Variants in WWOX observed in about 807,000 individuals in gnomAD.
WWOX encodes the protein WW domain containing oxidoreductase.
A neutral mutation model predicts 46.2 loss-of-function variants in WWOX; 69 were observed. The observed-to-expected ratio is 1.49, with a 90% CI of 1.23 to 1.82. The LOEUF is 1.82. Among genes scored for constraint, WWOX ranks in the 40% most tolerant of loss-of-function variants. The pLI is 0.00. For synonymous variants in WWOX, 359 were observed against 202.6 expected (o/e 1.77, Z -6.56); for missense variants, 919 against 542.6 (o/e 1.69, Z -6.89).
chr16:79,005,315 T>A (rs957654018), intron 8 of WWOX, among the ~76,000 whole-genome samples: 2 of 152,126 alleles, frequency 1.3e-5, no homozygotes, highest in African/African-American at 2.4e-5. Context: ...AACACACAGT[T>A]TCCTAGAATC....
intron 8 of WWOX, among the ~76,000 whole-genome samples, chr16:78,476,619 TAA>T (rs5818142): frequency 0.26 from 39,748 of 151,076 alleles, 6,959 homozygotes; most frequent in African/African-American, 0.5. Context: ...AAATACATAT[TAA>T]AAAAAAAAAG....
chr16:78,282,479 G>A (rs2079695812), intron 5 of WWOX, among the ~76,000 whole-genome samples: 1 of 152,118 alleles, frequency 6.6e-6, no homozygotes, highest in Admixed American at 6.6e-5. Context: ...TACCTGCCTT[G>A]CGTTCTGTTA....
intron 8 of WWOX, among the ~76,000 whole-genome samples, chr16:79,094,009 TATGA>T (rs1438857807): frequency 6.6e-6 from 1 of 152,158 alleles, no homozygotes; most frequent in African/African-American, 2.4e-5. Flanking sequence ...CGAATACATG[TATGA>T]ATGAATGAAT....
chr16:78,292,799 G>A (rs887770160), intron 5 of WWOX, among the ~76,000 whole-genome samples: 5 of 152,156 alleles, frequency 3.3e-5, no homozygotes, highest in Admixed American at 6.5e-5. Context: ...GATCTTATTT[G>A]TAGAGCTGAA....
chr16:78,269,021 A>C (rs898445771), intron 5 of WWOX: 6 of 152,176 alleles, frequency 3.9e-5, no homozygotes, highest in Non-Finnish European at 8.8e-5. Context: ...TTTCTGAAAT[A>C]AGTGGACACA....
intron 4 of WWOX, among the ~76,000 whole-genome samples, chr16:78,130,949 C>A (rs1346245249): frequency 1.3e-5 from 2 of 152,182 alleles, no homozygotes; most frequent in Non-Finnish European, 2.9e-5. Flanking sequence ...GTGGTATAAC[C>A]CATTATACAC....
At chr16:78,913,428 C>G (rs928255579) in intron 8 of WWOX, among the ~76,000 whole-genome samples, 1 of 151,876 alleles carries the variant, frequency 6.6e-6, no homozygotes, top group Non-Finnish European at 1.5e-5. Flanking sequence ...AAAAACCTGT[C>G]TTGCAAAACC....
chr16:79,211,567 T>C, intron 8 of WWOX, 41 bp from the exon 9 acceptor site: 3 of 1,613,422 alleles, frequency 1.9e-6, no homozygotes, highest in South Asian at 1.1e-5. Flanking sequence ...CATCACTCCT[T>C]TTCTTAAAAT....
Position 78,119,533 on chromosome 16 carries a change from T to G in WWOX, c.409+4379T>G, listed in dbSNP as rs577464444. On this transcript the variant is annotated intron_variant, in intron 4 of 8. Transcript: ENST00000566780. ...TCATTGTCTTAATTAGCTAGATGTTTGTTGGAGCGCATGCAAATTATTTTC... is the reference window on the plus strand; with the variant it reads ...TCATTGTCTTAATTAGCTAGATGTTGGTTGGAGCGCATGCAAATTATTTTC... Among the ~76,000 whole-genome samples, 228 of 152,322 alleles carry G rather than the reference T, an allele frequency of 1.5e-3. 2 individuals are homozygous for G. Among genetic ancestry groups the G allele is most frequent in the African/African-American group, 5.4e-3 (223 of 41,554 alleles).
intron 8 of WWOX, among the ~76,000 whole-genome samples, chr16:78,618,440 C>T (rs1045975933): frequency 2.0e-5 from 3 of 152,176 alleles, no homozygotes; most frequent in Non-Finnish European, 4.4e-5. Flanking sequence ...TCTCTGTCTT[C>T]ACATGGTCTT....
chr16:78,953,926 A>C (rs1457636438), intron 8 of WWOX, among the ~76,000 whole-genome samples: 1 of 152,180 alleles, frequency 6.6e-6, no homozygotes, highest in Admixed American at 6.6e-5. Context: ...TAATTACTTC[A>C]GTAGTCATTT....
chr16:79,086,335 A>C (rs2048853428), intron 8 of WWOX, among the ~76,000 whole-genome samples: 1 of 152,238 alleles, frequency 6.6e-6, no homozygotes, highest in Non-Finnish European at 1.5e-5. Context: ...TTTGATTGAT[A>C]TGCAAAAGTC....
At position 78,755,926 on chromosome 16, in the gene WWOX, GA is replaced by G. The variant is rs542088733; in HGVS notation, c.1056+323176del. Reference sequence around the variant, plus strand: ...GATTTTTGTCAGGACGCTATGATGAGAAGAACATATGCCAAGGAGACAGTTT... The same window carrying G: ...GATTTTTGTCAGGACGCTATGATGAGAGAACATATGCCAAGGAGACAGTTT... On this transcript the variant is annotated intron_variant, in intron 8 of 8. Coordinates refer to ENST00000566780, the MANE Select transcript of WWOX (RefSeq NM_016373.4). Among the ~76,000 whole-genome samples the G allele has an allele frequency of 2.3e-3, 346 of 152,268 alleles. 1 individual carries two copies. The highest frequency in any genetic ancestry group is 8.0e-3 in the African/African-American group (332 of 41,544).
At chr16:78,597,147 G>C (rs2045510863) in intron 8 of WWOX, among the ~76,000 whole-genome samples, 3 of 152,218 alleles carry the variant, frequency 2.0e-5, no homozygotes, top group African/African-American at 7.2e-5. Context: ...TATTTTAGCC[G>C]GTGCCTTTGT....
chr16:78,441,722 C>T (rs1276116813), intron 8 of WWOX, among the ~76,000 whole-genome samples: 2 of 152,076 alleles, frequency 1.3e-5, no homozygotes, highest in Admixed American at 6.6e-5. Flanking sequence ...TTAGAACTAC[C>T]TCATGGGCTT....
intron 8 of WWOX, among the ~76,000 whole-genome samples, chr16:78,702,847 C>T (rs1274895525): frequency 6.6e-6 from 1 of 152,052 alleles, no homozygotes; most frequent in East Asian, 1.9e-4. Context: ...AACAACTGTC[C>T]TTTTCCACCA....
intron 8 of WWOX, among the ~76,000 whole-genome samples, chr16:78,744,833 C>T (rs900768906): frequency 1.3e-5 from 2 of 152,102 alleles, no homozygotes; most frequent in African/African-American, 4.8e-5. Flanking sequence ...CCTGAAGACC[C>T]ACATGGTGAC....
intron 8 of WWOX, among the ~76,000 whole-genome samples, chr16:78,968,802 T>A (rs563704353): frequency 6.6e-6 from 1 of 152,192 alleles, no homozygotes; most frequent in South Asian, 2.1e-4. Context: ...ATTGTTTCAT[T>A]TTATTATGTT....
chr16:78,689,555 T>G (rs1449240798), intron 8 of WWOX, among the ~76,000 whole-genome samples: 2 of 152,228 alleles, frequency 1.3e-5, no homozygotes, highest in African/African-American at 4.8e-5. Flanking sequence ...TAAGTCAGTC[T>G]AGAGAGAATC....
Sources: allele counts gnomAD v4.1 joint callset (sites outside exome capture counted in the v4.1 genomes callset), GRCh38; gene constraint gnomAD v4.1.1; transcripts MANE v1.5; gene names NCBI Gene and HGNC (gene_info 2026-07-23, HGNC 2026-07-21).